VPS13C: variants seen among roughly 807,000 people sequenced by gnomAD.
VPS13C encodes the protein vacuolar protein sorting 13 homolog C, also known as intermembrane lipid transfer protein VPS13C.
In VPS13C, 358 loss-of-function variants were observed where a neutral mutation model predicts 456.8. The observed-to-expected ratio is 0.78, with a 90% CI of 0.72 to 0.86. The LOEUF (loss-of-function observed/expected upper bound fraction) is 0.86, where lower values mean the gene tolerates loss of function less well. Among genes scored for constraint, VPS13C ranks in the 40% least tolerant of loss-of-function variants. The pLI is 0.00. For missense variants in VPS13C, 4,818 were observed against 4,385.4 expected (o/e 1.10, Z -2.79); for synonymous variants, 1,578 against 1,486.7 (o/e 1.06, Z -1.41).
rs566099738 is a variant in VPS13C at position 61,947,301 on chromosome 15, T to C, written c.4768A>G (p.Asn1590Asp). The change falls in exon 43 of 85, where the codon AAC (asparagine) becomes GAC (aspartate). Residue 1590 changes from asparagine to aspartate, a missense_variant. Asn to Asp is a conservative substitution (Grantham distance 23). This residue lies in a region of VPS13C where 4,552 missense variants were observed against 4,130.6 expected (regional missense o/e 1.10). Transcript: ENST00000644861. ...RSIAVKAVSS[N>D]ISQKDVFDLK... ...TCAAACACATCCTTTTGGGAAATGTTGCTGGATACTAAAAAATAATAGAAA... is the reference window on the plus strand; with the variant it reads ...TCAAACACATCCTTTTGGGAAATGTCGCTGGATACTAAAAAATAATAGAAA... 1.9e-6 allele frequency: 3 copies of C among 1,606,326 alleles called. No individual in the cohort carries two copies. The South Asian group carries it at 3.4e-5, about 18-fold the overall frequency.
Position 61,982,460 on chromosome 15 carries a change from T to G in VPS13C, c.2028A>C (p.Thr676=). Residue 676 remains threonine (T), a splice_region_variant and synonymous_variant, in exon 21 of 85, where the codon ACA becomes ACC. Coordinates refer to ENST00000644861, the MANE Select transcript of VPS13C (RefSeq NM_020821.3). ...KLEEIKERTA[T]GLTHIIETRK... is the part of the protein sequence containing the mutation. ...TATGTAGACACTCAAATTCTTCACC[T>G]GTAGCTGTTCTCTCCTTAATTTCTT... 2 of 1,605,918 alleles carry G rather than the reference T, an allele frequency of 1.2e-6. No individual in the cohort carries two copies. Among genetic ancestry groups the G allele is most frequent in the Non-Finnish European group, 1.7e-6 (2 of 1,177,704 alleles).
At chr15:61,991,132 C>A (rs1320309115) in intron 17 of VPS13C, 38 bp from the exon 18 acceptor site, 25 of 1,443,506 alleles carry the variant, frequency 1.7e-5, no homozygotes, top group Non-Finnish European at 2.4e-5. Flanking sequence ...TAATTGCTTC[C>A]ATTTTACAAA....
intron 39 of VPS13C, 142 bp downstream of exon 39, chr15:61,951,682 C>T: frequency 2.5e-6 from 2 of 791,870 alleles, no homozygotes; most frequent in Non-Finnish European, 3.7e-6. Flanking sequence ...TAGAACTGTA[C>T]CCAGGGACTG....
At chr15:61,946,187 A>G (rs1596366378) in intron 44 of VPS13C, 120 bp downstream of exon 44, 2 of 799,840 alleles carry the variant, frequency 2.5e-6, no homozygotes, top group East Asian at 2.8e-5. Flanking sequence ...TTCATCTCCA[A>G]TTCCTAATAA....
chr15:61,954,190 C>T (rs1024077161), intron 38 of VPS13C, among the ~76,000 whole-genome samples: 5 of 152,076 alleles, frequency 3.3e-5, no homozygotes, highest in African/African-American at 1.2e-4. Flanking sequence ...TTCCAACTGT[C>T]CTAAAATCAT....
chr15:61,993,040 C>G (rs994513963), intron 16 of VPS13C, among the ~76,000 whole-genome samples: 2 of 152,028 alleles, frequency 1.3e-5, no homozygotes, highest in African/African-American at 4.8e-5. Context: ...AAATGACACC[C>G]AATTAAATGT....
intron 64 of VPS13C, among the ~76,000 whole-genome samples, chr15:61,909,434 C>A (rs547139659): frequency 1.3e-5 from 2 of 152,322 alleles, no homozygotes; most frequent in East Asian, 1.9e-4. Context: ...GTCTCGAACT[C>A]CTGACCTAGT....
chr15:61,862,189 A>T (rs1894264219), intron 82 of VPS13C, among the ~76,000 whole-genome samples: 1 of 152,042 alleles, frequency 6.6e-6, no homozygotes, highest in Non-Finnish European at 1.5e-5. Flanking sequence ...GAAAGGGAAA[A>T]GGAAAGGAAA....
chr15:61,963,092 T>C (rs549816030), intron 32 of VPS13C, among the ~76,000 whole-genome samples: 3 of 152,216 alleles, frequency 2.0e-5, no homozygotes, highest in South Asian at 2.1e-4. Context: ...CTAGTACAAA[T>C]AGATTATCTC....
intron 1 of VPS13C, among the ~76,000 whole-genome samples, chr15:62,059,540 T>C (rs1019508811): frequency 1.3e-5 from 2 of 152,242 alleles, no homozygotes; most frequent in Non-Finnish European, 2.9e-5. Context: ...GATAAAAACG[T>C]TGGCATAAAT....
At chr15:61,869,966 G>T (rs1250466772) in intron 79 of VPS13C, among the ~76,000 whole-genome samples, 2 of 152,180 alleles carry the variant, frequency 1.3e-5, no homozygotes, top group African/African-American at 2.4e-5. Flanking sequence ...ACTTGCAGGT[G>T]TAAGAAGGGA....
At chr15:61,881,186 C>T (rs1487905740) in intron 71 of VPS13C, among the ~76,000 whole-genome samples, 1 of 152,210 alleles carries the variant, frequency 6.6e-6, no homozygotes, top group African/African-American at 2.4e-5. Context: ...CCAAATGCCA[C>T]ATTCGTCATG....
At chr15:61,999,274 G>A (rs982331214) in intron 16 of VPS13C, among the ~76,000 whole-genome samples, 2 of 152,008 alleles carry the variant, frequency 1.3e-5, no homozygotes, top group African/African-American at 4.8e-5. Flanking sequence ...AGATACTCAG[G>A]AGGCTGAGAC....
chr15:61,905,194 T>C (rs1037426092), intron 66 of VPS13C, among the ~76,000 whole-genome samples: 14 of 152,344 alleles, frequency 9.2e-5, no homozygotes, highest in East Asian at 3.9e-4. Flanking sequence ...AACTTGATTA[T>C]TGCACATTTT....
rs1275639176 is a variant in VPS13C at position 61,975,047 on chromosome 15, T to C, written c.2409-630A>G. Among the ~76,000 whole-genome samples the C allele has an allele frequency of 2.6e-5, 4 of 152,130 alleles. No individual in the cohort carries two copies. The East Asian group carries it at 7.7e-4, about 29-fold the overall frequency. ...AGCTCTTTCTAGCTGTTGTTGTTTA[T>C]CTTTGGCTTCCTGACTAAGCTGTGA... On this transcript the variant is annotated intron_variant, in intron 24 of 84. Transcript: ENST00000644861.
chr15:61,987,114 A>G (rs2046080112), intron 18 of VPS13C, among the ~76,000 whole-genome samples: 1 of 152,112 alleles, frequency 6.6e-6, no homozygotes, highest in Non-Finnish European at 1.5e-5. Context: ...ATTCAATGTA[A>G]TCTCTAACAA....
chr15:61,855,030 TTAAA>T, intron 83 of VPS13C, 76 bp from the exon 84 acceptor site: 1 of 1,189,696 alleles, frequency 8.4e-7, no homozygotes, highest in Non-Finnish European at 1.2e-6. Context: ...AATTGTATAC[TTAAA>T]TGTCAACTCT....
In VPS13C at chr15:61,907,310, A is replaced by G. The variant is rs2043178509; in HGVS notation, c.9059T>C (p.Leu3020Pro). The G allele has an allele frequency of 6.2e-7, 1 of 1,613,928 alleles. No individual in the cohort carries two copies. The highest frequency in any genetic ancestry group is 1.3e-5 in the African/African-American group (1 of 74,934). Residue 3020 changes from leucine to proline, a missense_variant, in exon 66 of 85, where the codon CTT becomes CCT. Coordinates refer to ENST00000644861, the MANE Select transcript of VPS13C (RefSeq NM_020821.3). ...AACATTTGCTGCATATGTCCATGTAAGTTTTCTGGTACCAGTAGGATCTGC... is the reference window on the plus strand; with the variant it reads ...AACATTTGCTGCATATGTCCATGTAGGTTTTCTGGTACCAGTAGGATCTGC... The part of the protein sequence containing the change: ...AWADPTGTRK[L>P]TWTYAANVGE...
chr15:61,888,701 G>C (rs28590752), intron 67 of VPS13C, among the ~76,000 whole-genome samples: 115 of 152,232 alleles, frequency 7.6e-4, no homozygotes, highest in African/African-American at 2.6e-3. Context: ...GTTTAGAAGA[G>C]GAATGGAGGG....
Sources: gnomAD v4.1 joint callset for allele counts (sites outside exome capture counted in the v4.1 genomes callset) on GRCh38, gnomAD v4.1.1 for gene constraint, gnomAD v4.1.1 regional missense constraint, MANE v1.5 for transcripts, NCBI Gene and HGNC (gene_info 2026-07-23, HGNC 2026-07-21) for gene names.